Variants in GALNT7 observed in about 807,000 individuals in gnomAD.
GALNT7 encodes the protein polypeptide N-acetylgalactosaminyltransferase 7.
Under a neutral mutation model 82.1 loss-of-function variants are expected in GALNT7, and 60 were observed. The observed-to-expected ratio is 0.73, with a 90% CI of 0.59 to 0.91. GALNT7 has a LOEUF of 0.91. Among genes scored for constraint, GALNT7 ranks in the 40% least tolerant of loss-of-function variants. The probability of loss-of-function intolerance (pLI) is 0.00; values close to 1 mark genes in which losing one functional copy is unlikely to be tolerated. For synonymous variants in GALNT7, 243 were observed against 275.1 expected (o/e 0.88, Z 1.15); for missense variants, 660 against 804.2 (o/e 0.82, Z 2.17).
intron 1 of GALNT7, among the ~76,000 whole-genome samples, chr4:173,189,238 A>G (rs891461489): frequency 6.6e-6 from 1 of 152,232 alleles, no homozygotes; most frequent in Non-Finnish European, 1.5e-5. Context: ...GATAGTTAAA[A>G]TAGGTTTCCT....
At chr4:173,293,766 T>C (rs1237685527) in intron 3 of GALNT7, among the ~76,000 whole-genome samples, 2 of 152,166 alleles carry the variant, frequency 1.3e-5, no homozygotes, top group Non-Finnish European at 2.9e-5. Flanking sequence ...AACTACACGG[T>C]CCTTGTGGGT....
At chr4:173,195,719 T>G (rs1479315120) in intron 1 of GALNT7, among the ~76,000 whole-genome samples, 1 of 152,168 alleles carries the variant, frequency 6.6e-6, no homozygotes, top group African/African-American at 2.4e-5. Flanking sequence ...TACAGTGAAA[T>G]CAGATAAGAT....
intron 6 of GALNT7, among the ~76,000 whole-genome samples, chr4:173,300,332 G>T (rs1375377956): frequency 6.6e-6 from 1 of 152,118 alleles, no homozygotes; most frequent in Non-Finnish European, 1.5e-5. Flanking sequence ...AACAGAGTGA[G>T]ACCCTGTCTC....
chr4:173,267,341 C>T (rs188892459), intron 2 of GALNT7, among the ~76,000 whole-genome samples: 3 of 152,214 alleles, frequency 2.0e-5, no homozygotes, highest in African/African-American at 4.8e-5. Flanking sequence ...CCCTGAAACG[C>T]GTACCTGAAT....
rs1579869870 is a variant in GALNT7 at position 173,169,578 on chromosome 4, T to A, written c.126+617T>A. On this transcript the variant is annotated intron_variant, in intron 1 of 11. Coordinates refer to ENST00000265000, the MANE Select transcript of GALNT7 (RefSeq NM_017423.3). ...CTCCGGCTCTTACGGAGAGCGCGCC[T>A]CCCCCTCAACTCCGGCGGCGGGGAG... The A allele has an allele frequency of 3.3e-5, 5 of 150,936 alleles. No homozygotes were observed. The South Asian group carries it at 1.0e-3, about 32-fold the overall frequency. The allele number at this position is 150,936 out of a possible 1,614,324, so 9.3% of individuals were successfully genotyped here. A position where few individuals can be genotyped will look rare whatever the true frequency, so the allele number is the denominator to read the frequency against.
At chr4:173,254,252 C>G (rs571887054) in intron 2 of GALNT7, among the ~76,000 whole-genome samples, 3 of 152,276 alleles carry the variant, frequency 2.0e-5, no homozygotes, top group African/African-American at 2.4e-5. Context: ...ACACTCATGC[C>G]TTATATGCCA....
rs200341876 is a variant in GALNT7, at chr4:173,168,850, T to C, written c.15T>C (p.Ile5=). 1.2e-6 allele frequency: 2 copies of C among 1,612,838 alleles called. No homozygotes were observed. The highest frequency in any genetic ancestry group is 2.7e-5 in the African/African-American group (2 of 74,836). MRLK[I]GFILRSLLVV... ...GCCGGAGGAAGATGAGGCTGAAGAT[T>C]GGGTTCATCTTACGCAGTTTGCTGG... Residue 5 remains isoleucine, a synonymous_variant, in exon 1 of 12, where the codon ATT becomes ATC. Transcript: ENST00000265000.
intron 2 of GALNT7, among the ~76,000 whole-genome samples, chr4:173,259,753 T>A (rs1579963738): frequency 6.6e-6 from 1 of 152,158 alleles, no homozygotes; most frequent in Admixed American, 6.6e-5. Context: ...TTTTACCACC[T>A]CATCCTCTCC....
chr4:173,302,201 CG>C lies in GALNT7; in HGVS notation c.1266+38del. 1 of 918,866 alleles carries C rather than the reference CG, an allele frequency of 1.1e-6. No homozygotes were observed. The highest frequency in any genetic ancestry group is 1.3e-5 in the South Asian group (1 of 75,442). 56.9% of individuals were successfully genotyped at this position (918,866 alleles called of 1,614,324 possible). A position where few individuals can be genotyped will look rare whatever the true frequency, so the allele number is the denominator to read the frequency against. The stretch of plus-strand genomic sequence containing the variant: ...TTTCAACAGATGGAATTCTCCAAGT[CG>C]TTACTAACTTCTGTGGCTTTCAGAT... On this transcript the variant is annotated intron_variant, in intron 7 of 11. Transcript: ENST00000265000. This position sits in a 1 kb window ranked among gnomAD's most constrained non-coding sequence, Gnocchi z 4.2.
intron 2 of GALNT7, among the ~76,000 whole-genome samples, chr4:173,255,605 G>C (rs1257897872): frequency 6.6e-6 from 1 of 151,848 alleles, no homozygotes; most frequent in Non-Finnish European, 1.5e-5. Flanking sequence ...GGAAAACCTT[G>C]ACTCTTTTTT....
chr4:173,298,062 T>C, intron 5 of GALNT7, 53 bp from the exon 6 acceptor site: 1 of 1,575,290 alleles, frequency 6.3e-7, no homozygotes. Context: ...TATAAATGTG[T>C]GGGTCCATAC....
At chr4:173,311,446 C>A (rs1285407482) in intron 8 of GALNT7, among the ~76,000 whole-genome samples, 1 of 152,184 alleles carries the variant, frequency 6.6e-6, no homozygotes, top group South Asian at 2.1e-4. Context: ...CACAGTTCTG[C>A]AGGCTGTACA....
At chr4:173,242,964 AT>A (rs985760557) in intron 1 of GALNT7, among the ~76,000 whole-genome samples, 1 of 152,224 alleles carries the variant, frequency 6.6e-6, no homozygotes, top group Non-Finnish European at 1.5e-5. Context: ...TTGGCTTGTT[AT>A]ACCTTTAAAT....
Position 173,292,415 on chromosome 4 carries a change from C to T in GALNT7, c.754+141C>T, listed in dbSNP as rs1736578716. ...CTGTTATCAACAAGTTGACACTGTG[C>T]CAAGCATTGTATGTGAGTTATTTTG... On this transcript the variant is annotated intron_variant, in intron 3 of 11. Transcript: ENST00000265000. The surrounding 1 kb of genome is among the most constrained non-coding windows in gnomAD (Gnocchi z 4.8). 6.9e-6 allele frequency: 4 copies of T among 577,386 alleles called. No individual in the cohort carries two copies. The highest frequency in any genetic ancestry group is 9.2e-6 in the Non-Finnish European group (3 of 326,434). 35.8% of individuals were successfully genotyped at this position (577,386 alleles called of 1,614,324 possible).
intron 2 of GALNT7, among the ~76,000 whole-genome samples, chr4:173,274,533 C>T (rs142266617): frequency 6.6e-6 from 1 of 152,296 alleles, no homozygotes; most frequent in East Asian, 1.9e-4. Flanking sequence ...GCTGCTGTCA[C>T]TAACTGTGTG....
chr4:173,178,046 T>C (rs75183496), intron 1 of GALNT7, among the ~76,000 whole-genome samples: 11,533 of 105,120 alleles, frequency 0.11, 554 homozygotes, highest in Middle Eastern at 0.18. Flanking sequence ...TGTGTGTGTG[T>C]GTGTGTGCGC....
At chr4:173,192,277 G>T (rs531232952) in intron 1 of GALNT7, among the ~76,000 whole-genome samples, 2 of 152,102 alleles carry the variant, frequency 1.3e-5, no homozygotes, top group African/African-American at 4.8e-5. Context: ...GGTCCTCCTT[G>T]TTTCAGAATT....
At chr4:173,254,159 G>C (rs1256416933) in intron 2 of GALNT7, among the ~76,000 whole-genome samples, 2 of 152,292 alleles carry the variant, frequency 1.3e-5, no homozygotes, top group African/African-American at 4.8e-5. Context: ...AATTCTAAGA[G>C]CTATGCACAT....
chr4:173,182,738 TACACAC>T lies in GALNT7; in HGVS notation c.126+13799_126+13804del, dbSNP rs35300617. Among the ~76,000 whole-genome samples the T allele has an allele frequency of 2.9e-4, 34 of 115,788 alleles. 1 individual carries two copies. Among genetic ancestry groups the T allele is most frequent in the African/African-American group, 8.4e-4 (24 of 28,468 alleles). The allele number at this position is 115,788 out of a possible 152,430, so 76.0% of individuals were successfully genotyped here. ...GATGAGGCTAGCAGGTTACTCTTAATACACACACACACACACACACACACACAGACA... is the reference window on the plus strand; with the variant it reads ...GATGAGGCTAGCAGGTTACTCTTAATACACACACACACACACACACAGACA... On this transcript the variant is annotated intron_variant, in intron 1 of 11. Coordinates refer to ENST00000265000, the MANE Select transcript of GALNT7 (RefSeq NM_017423.3).
Sources: gnomAD v4.1 joint callset for allele counts (sites outside exome capture counted in the v4.1 genomes callset) on GRCh38, gnomAD v4.1.1 for gene constraint, Gnocchi (gnomAD v3.1) non-coding constraint, MANE v1.5 for transcripts, NCBI Gene and HGNC (gene_info 2026-07-23, HGNC 2026-07-21) for gene names.